ICA1: variants seen among roughly 807,000 people sequenced by gnomAD.
ICA1 encodes the protein islet cell autoantigen 1, also known as 69 kDa islet cell autoantigen.
A neutral mutation model predicts 71.0 loss-of-function variants in ICA1; 40 were observed. That is an observed-to-expected ratio of 0.56 (90% confidence interval 0.44 to 0.73). The LOEUF (loss-of-function observed/expected upper bound fraction) is 0.73. ICA1 is among the 30% of genes least tolerant of loss of function. The pLI is 0.00. For missense variants in ICA1, 578 were observed against 576.5 expected (o/e 1.00, Z -0.03); for synonymous variants, 207 against 209.5 (o/e 0.99, Z 0.10).
rs1791144862 is a variant in ICA1, at chr7:8,130,749, T to C, written c.1061-2607A>G. On this transcript the variant is annotated intron_variant, in intron 12 of 13. Coordinates refer to ENST00000402384, the MANE Select transcript of ICA1 (RefSeq NM_001136020.3). The surrounding 1 kb of genome is among the most constrained non-coding windows in gnomAD (Gnocchi z 4.2). ...GATGTCTGTCCAGGGAAGATCATCATTAACATTAGCAAGAACAAATAATAA... is the reference window on the plus strand; with the variant it reads ...GATGTCTGTCCAGGGAAGATCATCACTAACATTAGCAAGAACAAATAATAA... Among the ~76,000 whole-genome samples, 1 of 152,240 alleles carries C rather than the reference T, an allele frequency of 6.6e-6. No individual in the cohort carries two copies.
At position 8,139,052 on chromosome 7, in the gene ICA1, A is replaced by G; in HGVS notation, c.956-5T>C. On this transcript the variant is annotated splice_region_variant and splice_polypyrimidine_tract_variant and intron_variant, in intron 10 of 13. Coordinates refer to ENST00000402384, the MANE Select transcript of ICA1 (RefSeq NM_001136020.3). Reference sequence around the variant, plus strand: ...AAATACTTTTTCCATCTTCAGCTGTAATATAACATGTGCAACTGGTTACCA... The same window carrying G: ...AAATACTTTTTCCATCTTCAGCTGTGATATAACATGTGCAACTGGTTACCA... 1 of 1,610,954 alleles carries G rather than the reference A, an allele frequency of 6.2e-7. No homozygotes were observed. Among genetic ancestry groups the G allele is most frequent in the Non-Finnish European group, 8.5e-7 (1 of 1,177,268 alleles).
intron 6 of ICA1, among the ~76,000 whole-genome samples, chr7:8,201,470 G>A (rs1789656936): frequency 6.6e-6 from 1 of 152,136 alleles, no homozygotes; most frequent in South Asian, 2.1e-4. Context: ...GACACATGGA[G>A]CCCAACTTTG....
chr7:8,245,461 T>C (rs1347585438), intron 1 of ICA1, among the ~76,000 whole-genome samples: 1 of 151,554 alleles, frequency 6.6e-6, no homozygotes, highest in African/African-American at 2.4e-5. Flanking sequence ...CTAATTTAAA[T>C]GACAGGTTGA....
In ICA1 at chr7:8,223,074, G is replaced by A. The variant is rs1210097752; in HGVS notation, c.257-1676C>T. 2.0e-5 allele frequency among the ~76,000 whole-genome samples: 3 copies of A among 152,154 alleles called. No homozygotes were observed. Among genetic ancestry groups the A allele is most frequent in the Admixed American group, 2.0e-4 (3 of 15,268 alleles). ...TTTAATACTCACGCCATGGTTCTAT[G>A]TAGCTTTTTAAAATTCCTATAATTA... On this transcript the variant is annotated intron_variant, in intron 4 of 13. Coordinates refer to ENST00000402384, the MANE Select transcript of ICA1 (RefSeq NM_001136020.3). This position sits in a 1 kb window ranked among gnomAD's most constrained non-coding sequence, Gnocchi z 4.1.
Position 8,218,436 on chromosome 7 carries a change from A to T in ICA1, c.448T>A (p.Ser150Thr), listed in dbSNP as rs1796040460. The T allele has an allele frequency of 6.2e-7, 1 of 1,614,020 alleles. No homozygotes were observed. Among genetic ancestry groups the T allele is most frequent in the African/African-American group, 1.3e-5 (1 of 74,916 alleles). ...CGGTTCACCGTCAGCCAAGTATCTGAGATGGCCCGATGCCGAAAAGTCTCC... is the reference window on the plus strand; with the variant it reads ...CGGTTCACCGTCAGCCAAGTATCTGTGATGGCCCGATGCCGAAAAGTCTCC... ...EVETFRHRAI[S>T]DTWLTVNRME... The change falls in exon 6 of 14, where the codon TCA becomes ACA. Residue 150 changes from serine (S) to threonine (T), a missense_variant. By Grantham distance (58) the Ser-to-Thr change is moderately conservative (BLOSUM62 1). Coordinates refer to ENST00000402384, the MANE Select transcript of ICA1 (RefSeq NM_001136020.3).
At chr7:8,146,065 T>C (rs1016632253) in intron 8 of ICA1, among the ~76,000 whole-genome samples, 2 of 152,194 alleles carry the variant, frequency 1.3e-5, no homozygotes, top group Non-Finnish European at 2.9e-5. Context: ...TCTGGACATT[T>C]AGATTAGTTC....
chr7:8,254,318 T>C (rs1462137129), intron 1 of ICA1, among the ~76,000 whole-genome samples: 1 of 151,946 alleles, frequency 6.6e-6, no homozygotes, highest in East Asian at 1.9e-4. Flanking sequence ...TTGGTTAAGC[T>C]GTGGCAGGTA....
chr7:8,257,071 A>G (rs1810477643), intron 1 of ICA1, among the ~76,000 whole-genome samples: 1 of 152,234 alleles, frequency 6.6e-6, no homozygotes, highest in Admixed American at 6.5e-5. Flanking sequence ...AAGGAGCTTG[A>G]TTAATGGGGC....
At chr7:8,231,583 G>A (rs1800285830) in intron 3 of ICA1, among the ~76,000 whole-genome samples, 1 of 152,142 alleles carries the variant, frequency 6.6e-6, no homozygotes, top group Admixed American at 6.5e-5. Flanking sequence ...GAGGATATGA[G>A]AAACTGGGTA....
intron 6 of ICA1, among the ~76,000 whole-genome samples, chr7:8,187,320 AACACAAT>A (rs1391868236): frequency 6.6e-6 from 1 of 152,244 alleles, no homozygotes; most frequent in Non-Finnish European, 1.5e-5. Flanking sequence ...AGGCAATTGT[AACACAAT>A]GATAAGTGTT....
chr7:8,233,394 ATT>A (rs35599635), intron 2 of ICA1, among the ~76,000 whole-genome samples: 55,363 of 142,490 alleles, frequency 0.39, 10,645 homozygotes, highest in African/African-American at 0.44. Flanking sequence ...TATTCTTGGT[ATT>A]TTTTTTTTTT....
intron 13 of ICA1, among the ~76,000 whole-genome samples, chr7:8,122,351 T>C (rs6965329): frequency 0.45 from 68,895 of 152,112 alleles, 16,190 homozygotes; most frequent in African/African-American, 0.57. Flanking sequence ...CTTATTCAAA[T>C]GGTGGAACAA....
In ICA1 at chr7:8,218,347, C is replaced by T. The variant is rs570227856; in HGVS notation, c.537G>A (p.Glu179=). The part of the protein sequence containing the change: ...ALLWMKDVSQ[E]LDPDLYKQME... The stretch of plus-strand genomic sequence containing the variant: ...TTTGCTTGTAGAGGTCTGGATCAAG[C>T]TCCTGAGACACGTCCTTCATCCATA... Residue 179 remains glutamate (E), a synonymous_variant, in exon 6 of 14, where the codon GAG becomes GAA. Transcript: ENST00000402384. The T allele has an allele frequency of 2.5e-4, 403 of 1,614,014 alleles. No individual in the cohort carries two copies. Among genetic ancestry groups the T allele is most frequent in the South Asian group, 7.9e-4 (72 of 91,078 alleles).
At chr7:8,206,547 C>T (rs1791595376) in intron 6 of ICA1, among the ~76,000 whole-genome samples, 1 of 151,976 alleles carries the variant, frequency 6.6e-6, no homozygotes, top group African/African-American at 2.4e-5. Context: ...ATTTTTAATA[C>T]AAATTATTTT....
intron 6 of ICA1, among the ~76,000 whole-genome samples, chr7:8,164,652 A>AT (rs1328333714): frequency 6.6e-6 from 1 of 152,132 alleles, no homozygotes; most frequent in African/African-American, 2.4e-5. Context: ...GTTCACCCCT[A>AT]TTTTCCCCTG....
intron 8 of ICA1, 55 bp downstream of exon 8, chr7:8,157,060 AT>A (rs1402055409): frequency 1.9e-6 from 3 of 1,613,680 alleles, no homozygotes; most frequent in Non-Finnish European, 2.5e-6. Context: ...TGCTTGTGAT[AT>A]AAACAAAACT....
intron 1 of ICA1, among the ~76,000 whole-genome samples, chr7:8,256,661 T>A (rs984743810): frequency 1.1e-4 from 16 of 152,318 alleles, no homozygotes; most frequent in Non-Finnish European, 2.1e-4. Context: ...TCCATACTGG[T>A]GGTGCCACTG....
intron 1 of ICA1, among the ~76,000 whole-genome samples, chr7:8,240,222 G>GTTCTGCAATATTTGCTA (rs141051323): frequency 6.6e-6 from 1 of 152,126 alleles, no homozygotes; most frequent in Non-Finnish European, 1.5e-5. Context: ...AATATTTGCT[G>GTTCTGCAATATTTGCTA]TTCTGCAATA....
At chr7:8,253,917 A>C (rs904616000) in intron 1 of ICA1, among the ~76,000 whole-genome samples, 2 of 152,176 alleles carry the variant, frequency 1.3e-5, no homozygotes, top group Non-Finnish European at 2.9e-5. Context: ...AATTATATGA[A>C]ATTGCACGTA....
Sources: gnomAD v4.1 joint callset for allele counts (sites outside exome capture counted in the v4.1 genomes callset) on GRCh38, gnomAD v4.1.1 for gene constraint, Gnocchi (gnomAD v3.1) non-coding constraint, MANE v1.5 for transcripts, NCBI Gene and HGNC (gene_info 2026-07-23, HGNC 2026-07-21) for gene names.